The following CDH13 variants were observed in gnomAD, a reference collection of about 807,000 sequenced individuals.
CDH13 encodes the protein cadherin 13, also known as cadherin-13.
In CDH13, 24 loss-of-function variants were observed where a neutral mutation model predicts 63.8. The observed-to-expected ratio is 0.38, with a 90% CI of 0.27 to 0.53. The LOEUF (loss-of-function observed/expected upper bound fraction) is 0.53, where lower values mean the gene tolerates loss of function less well. CDH13 is among the 20% of genes least tolerant of loss of function. CDH13 has a pLI of 0.85. For synonymous variants in CDH13, 503 were observed against 355.3 expected (o/e 1.42, Z -4.67); for missense variants, 1,049 against 903.1 (o/e 1.16, Z -2.07).
intron 10 of CDH13, among the ~76,000 whole-genome samples, chr16:83,679,356 C>T (rs1264224732): frequency 2.6e-5 from 4 of 152,178 alleles, no homozygotes; most frequent in Non-Finnish European, 4.4e-5. Flanking sequence ...TAATCTTCTT[C>T]TCATATGAGG....
At position 82,794,586 on chromosome 16, in the gene CDH13, T is replaced by C. The variant is rs532833785; in HGVS notation, c.46-63776T>C. The stretch of plus-strand genomic sequence containing the variant: ...TAATACCCCGCACATTTGGTTAATT[T>C]AGAAAATATTTGACGACAACGGAAT... On this transcript the variant is annotated intron_variant, in intron 1 of 13. Transcript: ENST00000567109. Among the ~76,000 whole-genome samples the C allele has an allele frequency of 5.3e-5, 8 of 152,194 alleles. No homozygotes were observed. The South Asian group carries it at 1.7e-3, about 32-fold the overall frequency.
chr16:82,792,529 C>G (rs1428538286), intron 1 of CDH13, among the ~76,000 whole-genome samples: 2 of 152,136 alleles, frequency 1.3e-5, no homozygotes, highest in East Asian at 1.9e-4. Flanking sequence ...TAAGTTCTCT[C>G]CAAGTCATTG....
At chr16:83,131,631 G>A (rs962667093) in intron 4 of CDH13, among the ~76,000 whole-genome samples, 1 of 152,168 alleles carries the variant, frequency 6.6e-6, no homozygotes, top group African/African-American at 2.4e-5. Flanking sequence ...AGCCAGCAGG[G>A]AGGTCTTTGG....
intron 2 of CDH13, among the ~76,000 whole-genome samples, chr16:82,934,469 TGAA>T (rs2042602081): frequency 6.6e-6 from 1 of 152,204 alleles, no homozygotes; most frequent in Non-Finnish European, 1.5e-5. Context: ...GGGGCTACCA[TGAA>T]GATCTGTGAC....
intron 6 of CDH13, among the ~76,000 whole-genome samples, chr16:83,424,961 A>G (rs748070442): frequency 1.3e-5 from 2 of 152,196 alleles, no homozygotes; most frequent in Non-Finnish European, 2.9e-5. Context: ...GTTGCATTTA[A>G]CCTTTTGCTG....
At chr16:82,690,846 T>G (rs1194581816) in intron 1 of CDH13, among the ~76,000 whole-genome samples, 2 of 152,174 alleles carry the variant, frequency 1.3e-5, no homozygotes, top group Admixed American at 1.3e-4. Context: ...GAGCTGACTG[T>G]CAACCCCGCA....
intron 8 of CDH13, among the ~76,000 whole-genome samples, chr16:83,619,919 C>G (rs1909650734): frequency 6.6e-6 from 1 of 152,088 alleles, no homozygotes; most frequent in South Asian, 2.1e-4. Context: ...AAGACCCCGG[C>G]CTGGGAAGGG....
At chr16:83,480,078 A>G (rs898730566) in intron 6 of CDH13, among the ~76,000 whole-genome samples, 3 of 152,224 alleles carry the variant, frequency 2.0e-5, no homozygotes, top group African/African-American at 4.8e-5. Context: ...TAATCCCAGC[A>G]CTTTGGGAGG....
chr16:83,301,801 G>A (rs1376999128), intron 5 of CDH13, among the ~76,000 whole-genome samples: 2 of 151,232 alleles, frequency 1.3e-5, no homozygotes, highest in Non-Finnish European at 2.9e-5. Flanking sequence ...GTAAAGTTTT[G>A]GCAGACACAG....
At chr16:83,491,331 CTT>C (rs1407747475) in intron 7 of CDH13, among the ~76,000 whole-genome samples, 1 of 152,118 alleles carries the variant, frequency 6.6e-6, no homozygotes, top group Non-Finnish European at 1.5e-5. Flanking sequence ...ATTTGGGGCA[CTT>C]TTTTATTATT....
chr16:82,810,066 A>G (rs2037364110), intron 1 of CDH13, among the ~76,000 whole-genome samples: 1 of 152,168 alleles, frequency 6.6e-6, no homozygotes, highest in Non-Finnish European at 1.5e-5. Flanking sequence ...GCCAACAGTG[A>G]TTAGGAATTA....
chr16:83,405,615 G>T (rs2092030775), intron 6 of CDH13, among the ~76,000 whole-genome samples: 1 of 152,240 alleles, frequency 6.6e-6, no homozygotes, highest in South Asian at 2.1e-4. Context: ...ATACATTTGT[G>T]TTGTTTTAAG....
chr16:83,564,403 T>G (rs1345786899), intron 7 of CDH13, among the ~76,000 whole-genome samples: 1 of 4,572 alleles, frequency 2.2e-4, no homozygotes, highest in Non-Finnish European at 5.1e-4. Context: ...TGACTCTTTT[T>G]TTTTTTTTTT....
chr16:83,555,467 T>A (rs1208523794), intron 7 of CDH13, among the ~76,000 whole-genome samples: 2 of 152,208 alleles, frequency 1.3e-5, no homozygotes, highest in African/African-American at 2.4e-5. Flanking sequence ...TCTTTTTATA[T>A]GAATTTCAGA....
chr16:83,695,062 C>G (rs577334395), intron 10 of CDH13, among the ~76,000 whole-genome samples: 12 of 152,088 alleles, frequency 7.9e-5, no homozygotes, highest in Non-Finnish European at 1.8e-4. Context: ...CAAAAATTAG[C>G]CAGGTGTGGT....
At chr16:83,442,880 T>C (rs2072521410) in intron 6 of CDH13, among the ~76,000 whole-genome samples, 1 of 152,374 alleles carries the variant, frequency 6.6e-6, no homozygotes, top group African/African-American at 2.4e-5. Context: ...TGTTATTTTG[T>C]CAAATGCTAT....
chr16:83,140,241 A>G (rs1567869181), intron 4 of CDH13, among the ~76,000 whole-genome samples: 2 of 152,092 alleles, frequency 1.3e-5, no homozygotes, highest in South Asian at 2.1e-4. Flanking sequence ...GAGGAGCTCC[A>G]CTTCTAATCA....
At chr16:83,118,350 A>C (rs985201673) in intron 3 of CDH13, among the ~76,000 whole-genome samples, 2 of 152,162 alleles carry the variant, frequency 1.3e-5, no homozygotes, top group African/African-American at 4.8e-5. Context: ...TTGCATGTAC[A>C]TCTGCTCGTG....
At chr16:83,027,766 C>T (rs1232147487) in intron 2 of CDH13, among the ~76,000 whole-genome samples, 7 of 152,260 alleles carry the variant, frequency 4.6e-5, no homozygotes, top group Non-Finnish European at 1.5e-5. Flanking sequence ...TTCAATTCTC[C>T]CTTGCTGTCT....
Sources: gnomAD v4.1 joint callset for allele counts (sites outside exome capture counted in the v4.1 genomes callset) on GRCh38, gnomAD v4.1.1 for gene constraint, MANE v1.5 for transcripts, NCBI Gene and HGNC (gene_info 2026-07-23, HGNC 2026-07-21) for gene names.